MYT1L: variants seen among roughly 807,000 people sequenced by gnomAD.
MYT1L encodes myelin transcription factor 1 like.
MYT1L carries 12 observed loss-of-function variants against 126.7 expected under a neutral mutation model. That is an observed-to-expected ratio of 0.09 (90% CI 0.06 to 0.15). The LOEUF (loss-of-function observed/expected upper bound fraction) is 0.15. MYT1L is among the 10% of genes least tolerant of loss of function. MYT1L has a pLI of 1.00. For synonymous variants in MYT1L, 541 were observed against 604.2 expected (o/e 0.90, Z 1.53); for missense variants, 979 against 1,585.2 (o/e 0.62, Z 6.49).
chr2:1,862,343 A>T (rs549399468), intron 18 of MYT1L, among the ~76,000 whole-genome samples: 2 of 152,320 alleles, frequency 1.3e-5, no homozygotes, highest in Admixed American at 1.3e-4. Context: ...TAAGGTCAAA[A>T]AGGAGCAACA....
chr2:1,839,108 G>A (rs550304308), intron 21 of MYT1L, 41 bp downstream of exon 21: 30 of 1,546,428 alleles, frequency 1.9e-5, no homozygotes, highest in South Asian at 8.3e-5. Context: ...GGCTCTCGGC[G>A]GCACCATCCC....
intron 2 of MYT1L, among the ~76,000 whole-genome samples, chr2:2,248,150 G>A (rs998255873): frequency 2.7e-5 from 4 of 150,792 alleles, no homozygotes; most frequent in African/African-American, 9.8e-5. Context: ...AAGCAAAAAA[G>A]AGAGAAGACT....
rs61708071 is a variant in MYT1L at position 2,214,257 on chromosome 2, TTATCTATCTATCTATC to T, written c.-420-41285_-420-41270del. Among the ~76,000 whole-genome samples the T allele has an allele frequency of 2.0e-3, 291 of 147,436 alleles. 1 individual carries two copies. The highest frequency in any genetic ancestry group is 6.1e-3 in the African/African-American group (244 of 40,046). ...AAAAAAAAAAGAAACATGAGACAAA[TTATCTATCTATCTATC>T]TATCTATCTATCTATCTATCTATCT... On this transcript the variant is annotated intron_variant, in intron 2 of 24. Transcript: ENST00000647738.
chr2:2,141,828 G>C (rs2084030607), intron 3 of MYT1L, among the ~76,000 whole-genome samples: 1 of 152,134 alleles, frequency 6.6e-6, no homozygotes, highest in Non-Finnish European at 1.5e-5. Context: ...TAAAACCTTA[G>C]TCCAGGAGCC....
At chr2:1,866,606 A>AGGGGGAGAGAGAGAGGCAGAGGGAGAGG (rs2045530268) in intron 18 of MYT1L, among the ~76,000 whole-genome samples, 1 of 88,692 alleles carries the variant, frequency 1.1e-5, no homozygotes, top group Non-Finnish European at 2.2e-5. Context: ...AGGGAGAGGG[A>AGGGGGAGAGAGAGAGGCAGAGGGAGAGG]GGGGGAGAGA....
intron 8 of MYT1L, among the ~76,000 whole-genome samples, chr2:1,953,066 G>A (rs964824898): frequency 6.7e-6 from 1 of 149,132 alleles, no homozygotes; most frequent in African/African-American, 2.5e-5. Context: ...AGGCTCAGGT[G>A]ATCCTCTCAC....
chr2:2,095,785 C>T (rs2077392456), intron 3 of MYT1L, among the ~76,000 whole-genome samples: 1 of 152,156 alleles, frequency 6.6e-6, no homozygotes, highest in South Asian at 2.1e-4. Flanking sequence ...CCCCGGGCAC[C>T]CCCTGACCGC....
intron 8 of MYT1L, among the ~76,000 whole-genome samples, chr2:1,947,005 G>C (rs974688627): frequency 1.3e-5 from 2 of 152,168 alleles, no homozygotes; most frequent in African/African-American, 2.4e-5. Flanking sequence ...CATAATGACC[G>C]GAGCTTTTCC....
At chr2:2,165,255 AG>A (rs1488691542) in intron 3 of MYT1L, among the ~76,000 whole-genome samples, 7 of 152,116 alleles carry the variant, frequency 4.6e-5, no homozygotes, top group Admixed American at 4.6e-4. Context: ...TGTCCATATT[AG>A]ACACCAAGTA....
intron 3 of MYT1L, among the ~76,000 whole-genome samples, chr2:2,099,851 T>C (rs2077852542): frequency 1.3e-5 from 2 of 152,244 alleles, no homozygotes; most frequent in Non-Finnish European, 2.9e-5. Context: ...GCTTAAGTTA[T>C]ACCATTTGTT....
At chr2:2,310,160 C>T (rs186903227) in intron 1 of MYT1L, among the ~76,000 whole-genome samples, 63 of 151,444 alleles carry the variant, frequency 4.2e-4, no homozygotes, top group Non-Finnish European at 8.4e-4. Context: ...TATACTCCAC[C>T]TACACTTCAG....
At chr2:2,213,708 A>G (rs1172834586) in intron 2 of MYT1L, among the ~76,000 whole-genome samples, 1 of 152,236 alleles carries the variant, frequency 6.6e-6, no homozygotes, top group Non-Finnish European at 1.5e-5. Flanking sequence ...ACCATATCAT[A>G]CTATTTCCAA....
At chr2:2,229,312 T>C (rs1030821147) in intron 2 of MYT1L, among the ~76,000 whole-genome samples, 8 of 152,234 alleles carry the variant, frequency 5.3e-5, no homozygotes, top group African/African-American at 1.7e-4. Context: ...TATTTACTCA[T>C]TCTTTCTCCT....
At chr2:2,152,005 G>A (rs968296803) in intron 3 of MYT1L, among the ~76,000 whole-genome samples, 13 of 152,168 alleles carry the variant, frequency 8.5e-5, no homozygotes, top group Admixed American at 1.3e-4. Context: ...GCAGTGAGCC[G>A]AGATCGCGCC....
At chr2:2,108,812 T>A (rs73911362) in intron 3 of MYT1L, among the ~76,000 whole-genome samples, 1 of 152,196 alleles carries the variant, frequency 6.6e-6, no homozygotes, top group African/African-American at 2.4e-5. Context: ...ATGTGGAATA[T>A]CTATTTTGTT....
intron 14 of MYT1L, among the ~76,000 whole-genome samples, chr2:1,901,051 A>G (rs1295647896): frequency 6.6e-6 from 1 of 152,160 alleles, no homozygotes; most frequent in African/African-American, 2.4e-5. Flanking sequence ...GAAGAAACCC[A>G]TGGCACTAGG....
At chr2:1,863,013 G>A (rs891536492) in intron 18 of MYT1L, among the ~76,000 whole-genome samples, 2 of 152,190 alleles carry the variant, frequency 1.3e-5, no homozygotes, top group Non-Finnish European at 2.9e-5. Context: ...AATGATCCAG[G>A]AGGCCAGGGA....
rs1292367502 is a variant in MYT1L at position 1,917,587 on chromosome 2, C to T, written c.1484-248G>A. 1.3e-5 allele frequency among the ~76,000 whole-genome samples: 2 copies of T among 152,154 alleles called. No individual in the cohort carries two copies. The highest frequency in any genetic ancestry group is 2.9e-5 in the Non-Finnish European group (2 of 68,032). ...CTAAAGAAAAGAAAAGCCTACCCCT[C>T]ACCTTAACTCTGATTCATTATTTTC... On this transcript the variant is annotated intron_variant, in intron 10 of 24. Transcript: ENST00000647738. This position sits in a 1 kb window ranked among gnomAD's most constrained non-coding sequence, Gnocchi z 5.9.
intron 1 of MYT1L, chr2:2,303,868 G>A (rs753182227): frequency 4.6e-5 from 7 of 152,148 alleles, no homozygotes; most frequent in South Asian, 2.1e-4. Context: ...AATCTTCCCC[G>A]ACTTCTGCTG....
Sources: allele counts gnomAD v4.1 joint callset (sites outside exome capture counted in the v4.1 genomes callset), GRCh38; gene constraint gnomAD v4.1.1; non-coding constraint Gnocchi (gnomAD v3.1); transcripts MANE v1.5; gene names NCBI Gene and HGNC (gene_info 2026-07-23, HGNC 2026-07-21).